The following KHDRBS2 variants were observed in gnomAD, a reference collection of about 807,000 sequenced individuals.
KHDRBS2 encodes KH domain-containing, RNA-binding, signal transduction-associated protein 2.
Under a neutral mutation model 44.3 loss-of-function variants are expected in KHDRBS2, and 26 were observed. The ratio of observed to expected loss-of-function variants is 0.59; its 90% CI spans 0.43 to 0.81. The LOEUF (loss-of-function observed/expected upper bound fraction) is 0.81, where lower values mean the gene tolerates loss of function less well. Ranked by LOEUF, KHDRBS2 falls within the 40% of genes least tolerant of loss-of-function variation. The probability of loss-of-function intolerance (pLI) is 0.00; values close to 1 mark genes in which losing one functional copy is unlikely to be tolerated. For missense variants in KHDRBS2, 476 were observed against 433.1 expected, an observed-to-expected ratio of 1.10 and a Z score of -0.88; for synonymous variants, 194 against 151.1, an observed-to-expected ratio of 1.28 and a Z score of -2.08.
intron 1 of KHDRBS2, among the ~76,000 whole-genome samples, chr6:62,247,022 C>T (rs1835687971): frequency 6.6e-6 from 1 of 151,958 alleles, no homozygotes; most frequent in South Asian, 2.1e-4. Flanking sequence ...AATTTCCAAA[C>T]ATATTCACAC....
chr6:61,678,932 CTTTG>C (rs1766092793), downstream of KHDRBS2: 1 of 151,814 alleles, frequency 6.6e-6, no homozygotes, highest in South Asian at 2.1e-4. Flanking sequence ...ATTATGTGTT[CTTTG>C]TTTGTGGGTA....
At chr6:61,987,339 T>A (rs1775235689) in intron 3 of KHDRBS2, among the ~76,000 whole-genome samples, 1 of 152,074 alleles carries the variant, frequency 6.6e-6, no homozygotes, top group Admixed American at 6.5e-5. Context: ...TTCACAGGAG[T>A]AGCTCTTCCA....
the KHDRBS2 span, among the ~76,000 whole-genome samples, chr6:61,571,135 A>G: frequency 6.6e-6 from 1 of 152,118 alleles, no homozygotes; most frequent in African/African-American, 2.4e-5. Flanking sequence ...GGCAGAATAG[A>G]TAAAAATCCA....
intron 1 of KHDRBS2, among the ~76,000 whole-genome samples, chr6:62,264,364 C>T (rs1209545698): frequency 2.0e-5 from 3 of 151,768 alleles, no homozygotes; most frequent in African/African-American, 7.2e-5. Context: ...TAATCAAAAA[C>T]TCTAAGACCA....
At chr6:61,922,371 A>G (rs4302653) in intron 4 of KHDRBS2, among the ~76,000 whole-genome samples, 11,809 of 152,078 alleles carry the variant, frequency 0.078, 463 homozygotes, top group Middle Eastern at 0.13. Flanking sequence ...GAGTCCAGCA[A>G]ACTCCCTGAG....
chr6:62,196,226 T>C, intron 1 of KHDRBS2, among the ~76,000 whole-genome samples: 1 of 152,278 alleles, frequency 6.6e-6, no homozygotes, highest in Middle Eastern at 3.4e-3. Flanking sequence ...ATAGAATAAG[T>C]TGAAATATTT....
chr6:62,003,532 C>T (rs1204731534), intron 3 of KHDRBS2, among the ~76,000 whole-genome samples: 3 of 151,944 alleles, frequency 2.0e-5, no homozygotes, highest in Non-Finnish European at 2.9e-5. Flanking sequence ...CCTTAGAGAC[C>T]TACAAAGAGA....
intron 6 of KHDRBS2, among the ~76,000 whole-genome samples, chr6:61,845,712 G>A (rs1044859342): frequency 1.3e-5 from 2 of 152,196 alleles, no homozygotes; most frequent in Non-Finnish European, 2.9e-5. Context: ...TAGGTCGTTG[G>A]TGGTGAACGT....
chr6:61,917,483 G>A (rs1807231527), intron 4 of KHDRBS2, among the ~76,000 whole-genome samples: 2 of 151,866 alleles, frequency 1.3e-5, no homozygotes, highest in Admixed American at 6.6e-5. Flanking sequence ...ATTGACAGGG[G>A]TTAGGGGAAG....
intron 6 of KHDRBS2, among the ~76,000 whole-genome samples, chr6:61,834,924 AATGTT>A (rs1336398780): frequency 1.3e-5 from 2 of 151,870 alleles, no homozygotes; most frequent in African/African-American, 4.9e-5. Flanking sequence ...TGTTGATAGA[AATGTT>A]ATGTTACTTA....
the KHDRBS2 span, among the ~76,000 whole-genome samples, chr6:61,576,952 T>C: frequency 1.3e-5 from 2 of 152,180 alleles, no homozygotes; most frequent in African/African-American, 4.8e-5. Context: ...TGTTGCCTGA[T>C]TCTAGTGTTC....
intron 3 of KHDRBS2, among the ~76,000 whole-genome samples, chr6:62,007,789 C>A (rs1219676597): frequency 2.0e-5 from 3 of 152,118 alleles, no homozygotes; most frequent in South Asian, 2.1e-4. Flanking sequence ...GTCAAAAAAA[C>A]CCCAAACCTG....
At chr6:61,546,624 TA>T in the KHDRBS2 span, among the ~76,000 whole-genome samples, 3 of 152,110 alleles carry the variant, frequency 2.0e-5, no homozygotes, top group Admixed American at 2.0e-4. Flanking sequence ...GAAAGGTTAA[TA>T]AAAAACAAGT....
chr6:61,830,231 C>T (rs1273206565), intron 6 of KHDRBS2, among the ~76,000 whole-genome samples: 8 of 152,130 alleles, frequency 5.3e-5, no homozygotes, highest in African/African-American at 1.9e-4. Context: ...GGAATGTGGA[C>T]TCACACTCAG....
intron 2 of KHDRBS2, among the ~76,000 whole-genome samples, chr6:62,066,743 T>A (rs1381978882): frequency 6.6e-6 from 1 of 151,618 alleles, no homozygotes; most frequent in Non-Finnish European, 1.5e-5. Flanking sequence ...TAGAAGCAAA[T>A]GAAACAATAA....
intron 6 of KHDRBS2, among the ~76,000 whole-genome samples, chr6:61,768,689 C>T (rs1252124495): frequency 2.6e-5 from 4 of 151,978 alleles, no homozygotes; most frequent in African/African-American, 9.7e-5. Context: ...TTTTTTAGCT[C>T]CACCACATGG....
chr6:62,234,235 G>A (rs1833342959), intron 1 of KHDRBS2, among the ~76,000 whole-genome samples: 2 of 152,094 alleles, frequency 1.3e-5, no homozygotes, highest in Non-Finnish European at 2.9e-5. Flanking sequence ...AAAGAAAATA[G>A]ATTCAAGTTC....
At chr6:61,804,268 T>G (rs184199751) in intron 6 of KHDRBS2, among the ~76,000 whole-genome samples, 2 of 152,262 alleles carry the variant, frequency 1.3e-5, no homozygotes, top group African/African-American at 4.8e-5. Context: ...AATAATCTCT[T>G]TTGACTTCAT....
intron 6 of KHDRBS2, among the ~76,000 whole-genome samples, chr6:61,770,023 T>G (rs1270416551): frequency 6.6e-6 from 1 of 152,106 alleles, no homozygotes; most frequent in Non-Finnish European, 1.5e-5. Context: ...GCATCTGCGG[T>G]TCACCAATAT....
Sources: allele counts gnomAD v4.1 joint callset (sites outside exome capture counted in the v4.1 genomes callset), GRCh38; gene constraint gnomAD v4.1.1; transcripts MANE v1.5; gene names NCBI Gene and HGNC (gene_info 2026-07-23, HGNC 2026-07-21).